The following BMP3 variants were observed in gnomAD, a reference collection of about 807,000 sequenced individuals.
BMP3 encodes bone morphogenetic protein 3 (osteogenic).
In BMP3, 23 loss-of-function variants were observed where a neutral mutation model predicts 38.1. That is an observed-to-expected ratio of 0.60 (90% CI 0.43 to 0.86). The LOEUF is 0.86. Among genes scored for constraint, BMP3 ranks in the 40% least tolerant of loss-of-function variants. BMP3 has a pLI of 0.00. For missense variants in BMP3, 628 were observed against 579.6 expected (o/e 1.08, Z -0.86); for synonymous variants, 258 against 225.7 (o/e 1.14, Z -1.28).
At chr4:81,045,251 T>G (rs1560512213) in intron 1 of BMP3, among the ~76,000 whole-genome samples, 1 of 152,338 alleles carries the variant, frequency 6.6e-6, no homozygotes, top group East Asian at 1.9e-4. Context: ...GCCATTTATA[T>G]ATCTTCTTTG....
At position 81,031,582 on chromosome 4, in the gene BMP3, T is replaced by C; in HGVS notation, c.298T>C (p.Phe100Leu). The stretch of plus-strand genomic sequence containing the variant: ...GCGCGAAGGCAACACGGTTCGCAGC[T>C]TTCGGGCGGCAGCAGCAGGTGAGTG... ...LLREGNTVRSFRAAAAETLER... is the reference protein window; with the variant it reads ...LLREGNTVRSLRAAAAETLER... Residue 100 changes from phenylalanine (F) to leucine (L), a missense_variant, in exon 1 of 3, where the codon TTT becomes CTT. Coordinates refer to ENST00000282701, the MANE Select transcript of BMP3 (RefSeq NM_001201.5). The C allele has an allele frequency of 6.2e-7, 1 of 1,602,414 alleles. No homozygotes were observed.
At position 81,053,433 on chromosome 4, in the gene BMP3, C is replaced by G. The variant is rs1318192792; in HGVS notation, c.1316C>G (p.Pro439Arg). ...VPGIPEPCCV[P>R]EKMSSLSILF... ...GGGATTCCTGAGCCTTGCTGTGTACCAGAAAAGATGTCCTCACTCAGTATT... is the reference window on the plus strand; with the variant it reads ...GGGATTCCTGAGCCTTGCTGTGTACGAGAAAAGATGTCCTCACTCAGTATT... The change falls in exon 3 of 3, where the codon CCA (proline) becomes CGA (arginine). Residue 439 changes from proline (P) to arginine (R), a missense_variant. Transcript: ENST00000282701. The G allele has an allele frequency of 6.2e-7, 1 of 1,611,190 alleles. No individual in the cohort carries two copies. The highest frequency in any genetic ancestry group is 1.7e-5 in the Admixed American group (1 of 59,580).
intron 2 of BMP3, among the ~76,000 whole-genome samples, chr4:81,047,422 T>C (rs937552999): frequency 4.6e-5 from 7 of 152,152 alleles, no homozygotes; most frequent in African/African-American, 1.7e-4. Context: ...CAAGTGACTG[T>C]TCTCTTTGAA....
intron 1 of BMP3, chr4:81,037,538 ACT>A (rs1347181382): frequency 6.5e-6 from 1 of 154,832 alleles, no homozygotes; most frequent in African/African-American, 2.4e-5. Flanking sequence ...AGATGGTGAA[ACT>A]CAATTGACAA....
At chr4:81,034,641 AT>A (rs1212859893) in intron 1 of BMP3, among the ~76,000 whole-genome samples, 1 of 152,166 alleles carries the variant, frequency 6.6e-6, no homozygotes, top group Non-Finnish European at 1.5e-5. Flanking sequence ...AAAATAGCAC[AT>A]TTTAGTGAGT....
At chr4:81,032,030 T>C (rs1297801305) in intron 1 of BMP3, among the ~76,000 whole-genome samples, 4 of 152,166 alleles carry the variant, frequency 2.6e-5, no homozygotes, top group Admixed American at 2.6e-4. Flanking sequence ...GATGCCATTT[T>C]ATGCCAATGC....
At chr4:81,031,827 A>G (rs1220134513) in intron 1 of BMP3, among the ~76,000 whole-genome samples, 1 of 152,116 alleles carries the variant, frequency 6.6e-6, no homozygotes, top group Non-Finnish European at 1.5e-5. Context: ...GGGAAATAGA[A>G]TGAAGGCGCG....
At position 81,046,422 on chromosome 4, in the gene BMP3, A is replaced by G. The variant is rs936176668; in HGVS notation, c.1001A>G (p.Asn334Ser). The G allele has an allele frequency of 3.1e-6, 5 of 1,613,656 alleles. No individual in the cohort carries two copies. The highest frequency in any genetic ancestry group is 2.7e-5 in the African/African-American group (2 of 74,840). ...LQAQAPEKSK[N>S]KKKQRKGPHR... is the part of the protein sequence containing the mutation. ...GCTCAGGCCCCTGAAAAGAGTAAGA[A>G]TAAAAAGAAACAGAGAAAGGGGCCT... Residue 334 changes from asparagine (N) to serine (S), a missense_variant, in exon 2 of 3, where the codon AAT becomes AGT. Physicochemically the swap from Asn to Ser is conservative, Grantham distance 46. Coordinates refer to ENST00000282701, the MANE Select transcript of BMP3 (RefSeq NM_001201.5).
chr4:81,046,596 A>C lies in BMP3; in HGVS notation c.1175A>C (p.Lys392Thr), dbSNP rs1381910725. The part of the protein sequence containing the change: ...IGWSEWIISP[K>T]SFDAYYCSGA... ...TGGAGTGAATGGATTATCTCCCCCAAGTCCTTTGATGCCTATTATTGCTCT... is the reference window on the plus strand; with the variant it reads ...TGGAGTGAATGGATTATCTCCCCCACGTCCTTTGATGCCTATTATTGCTCT... Residue 392 changes from lysine to threonine, a missense_variant, in exon 2 of 3, where the codon AAG becomes ACG. Physicochemically the swap from Lys to Thr is moderately conservative, Grantham distance 78 (BLOSUM62 -1). Transcript: ENST00000282701. 2 of 1,613,960 alleles carry C rather than the reference A, an allele frequency of 1.2e-6. No homozygotes were observed. The highest frequency in any genetic ancestry group is 1.7e-5 in the Admixed American group (1 of 59,994).
intron 2 of BMP3, among the ~76,000 whole-genome samples, chr4:81,047,764 G>A (rs1466895221): frequency 6.6e-6 from 1 of 151,956 alleles, no homozygotes; most frequent in Non-Finnish European, 1.5e-5. Flanking sequence ...GGGATGACAA[G>A]CATAACAAAC....
At chr4:81,045,444 A>G (rs1740203400) in intron 1 of BMP3, among the ~76,000 whole-genome samples, 1 of 152,052 alleles carries the variant, frequency 6.6e-6, no homozygotes, top group Admixed American at 6.6e-5. Context: ...TTGATATACA[A>G]AAGTTTTTAA....
rs1740242194 is a variant in BMP3, at chr4:81,046,300, C to G, written c.879C>G (p.Val293=). 1 of 1,614,066 alleles carries G rather than the reference C, an allele frequency of 6.2e-7. No individual in the cohort carries two copies. Among genetic ancestry groups the G allele is most frequent in the Non-Finnish European group, 8.5e-7 (1 of 1,180,020 alleles). ...IERRKKRSTG[V]LLPLQNNELP... ...GGAGGAAGAAGCGCTCTACTGGGGT[C>G]TTGCTGCCTCTGCAGAACAACGAGC... Residue 293 remains valine (V), a synonymous_variant, in exon 2 of 3, where the codon GTC becomes GTG. Transcript: ENST00000282701.
chr4:81,045,303 T>A (rs1740199745), intron 1 of BMP3, among the ~76,000 whole-genome samples: 1 of 152,184 alleles, frequency 6.6e-6, no homozygotes, highest in Non-Finnish European at 1.5e-5. Flanking sequence ...TTTATTTGGT[T>A]TCTTGGTCTG....
At chr4:81,051,531 G>T (rs1025535988) in intron 2 of BMP3, among the ~76,000 whole-genome samples, 4 of 152,140 alleles carry the variant, frequency 2.6e-5, no homozygotes, top group Admixed American at 2.6e-4. Context: ...TTCGCTTTAT[G>T]ACAAGCTATT....
At chr4:81,038,950 A>G (rs1235284901) in intron 1 of BMP3, among the ~76,000 whole-genome samples, 1 of 152,114 alleles carries the variant, frequency 6.6e-6, no homozygotes, top group Non-Finnish European at 1.5e-5. Context: ...TTCTAGAAAA[A>G]CATACATCAT....
At position 81,031,616 on chromosome 4, in the gene BMP3, G is replaced by A; in HGVS notation, c.316+16G>A. On this transcript the variant is annotated intron_variant, in intron 1 of 2. Transcript: ENST00000282701. ...GCAGCAGCAGGTGAGTGCGCGAGGT[G>A]AGACTCCCTTCCCGCGGTCCCGCCC... is the stretch of plus-strand genomic sequence containing the variant. 6.4e-7 allele frequency: 1 copy of A among 1,562,040 alleles called. No homozygotes were observed. The highest frequency in any genetic ancestry group is 8.6e-7 in the Non-Finnish European group (1 of 1,156,512).
At position 81,046,247 on chromosome 4, in the gene BMP3, C is replaced by T; in HGVS notation, c.826C>T (p.His276Tyr). Reference sequence around the variant, plus strand: ...TGGAACTGTTCCCAAATGGGATAGCCACATCAGAGCTGCCCTTTCCATTGA... The same window carrying T: ...TGGAACTGTTCCCAAATGGGATAGCTACATCAGAGCTGCCCTTTCCATTGA... ...PTGTVPKWDS[H>Y]IRAALSIERR... The change falls in exon 2 of 3, where the codon CAC becomes TAC. Residue 276 changes from histidine (H) to tyrosine (Y), a missense_variant. Physicochemically the swap from His to Tyr is moderately conservative, Grantham distance 83. Transcript: ENST00000282701. 1.2e-6 allele frequency: 2 copies of T among 1,614,054 alleles called. No homozygotes were observed. The highest frequency in any genetic ancestry group is 1.7e-6 in the Non-Finnish European group (2 of 1,180,002).
intron 1 of BMP3, among the ~76,000 whole-genome samples, chr4:81,039,629 C>A (rs1458753229): frequency 6.6e-6 from 1 of 152,166 alleles, no homozygotes; most frequent in Non-Finnish European, 1.5e-5. Flanking sequence ...AATCTTCTAC[C>A]TTTATATAAT....
intron 1 of BMP3, among the ~76,000 whole-genome samples, chr4:81,045,052 G>A (rs1740193013): frequency 6.6e-6 from 1 of 152,126 alleles, no homozygotes; most frequent in Non-Finnish European, 1.5e-5. Context: ...TCCACAGCAG[G>A]TGAACCATTT....
Sources: allele counts gnomAD v4.1 joint callset (sites outside exome capture counted in the v4.1 genomes callset), GRCh38; gene constraint gnomAD v4.1.1; transcripts MANE v1.5; gene names NCBI Gene and HGNC (gene_info 2026-07-23, HGNC 2026-07-21).